KIAA0232: variants seen among roughly 807,000 people sequenced by gnomAD.
KIAA0232 encodes uncharacterized protein KIAA0232.
KIAA0232 carries 27 observed loss-of-function variants against 122.0 expected under a neutral mutation model. The ratio of observed to expected loss-of-function variants is 0.22; its 90% CI spans 0.16 to 0.31. The LOEUF is 0.31. Among genes scored for constraint, KIAA0232 ranks in the 10% least tolerant of loss-of-function variants. The probability of loss-of-function intolerance (pLI) is 1.00; values close to 1 mark genes in which losing one functional copy is unlikely to be tolerated. For synonymous variants in KIAA0232, 613 were observed against 587.6 expected, an observed-to-expected ratio of 1.04 and a Z score of -0.63; for missense variants, 1,551 against 1,634.2, an observed-to-expected ratio of 0.95 and a Z score of 0.88.
chr4:6,810,564 C>A (rs890084961), intron 2 of KIAA0232, among the ~76,000 whole-genome samples: 4 of 152,122 alleles, frequency 2.6e-5, no homozygotes, highest in African/African-American at 9.7e-5. Flanking sequence ...GCAACTAAAA[C>A]AGAAATAGAC....
intron 7 of KIAA0232, among the ~76,000 whole-genome samples, chr4:6,867,837 A>C (rs962778610): frequency 1.8e-4 from 27 of 152,200 alleles, no homozygotes. Context: ...CTGAGAGGTG[A>C]GACAGCTGCC....
At chr4:6,846,946 A>T (rs1364891075) in intron 4 of KIAA0232, among the ~76,000 whole-genome samples, 2 of 152,152 alleles carry the variant, frequency 1.3e-5, no homozygotes, top group Non-Finnish European at 2.9e-5. Context: ...ATGCCCTCTT[A>T]AAAGTGCTTC....
intron 2 of KIAA0232, among the ~76,000 whole-genome samples, chr4:6,806,701 T>C (rs1414790396): frequency 1.7e-5 from 2 of 118,638 alleles, no homozygotes; most frequent in African/African-American, 6.7e-5. Context: ...GCCACTGCAC[T>C]CCATCCTGGG....
chr4:6,837,901 G>A (rs1001850135), intron 3 of KIAA0232, among the ~76,000 whole-genome samples: 1 of 146,644 alleles, frequency 6.8e-6, no homozygotes, highest in Non-Finnish European at 1.5e-5. Context: ...GAGGGAGACC[G>A]TGCAAAGGGG....
intron 2 of KIAA0232, among the ~76,000 whole-genome samples, chr4:6,816,306 G>A (rs910421750): frequency 1.7e-4 from 25 of 147,052 alleles, no homozygotes; most frequent in Non-Finnish European, 3.1e-4. Flanking sequence ...TTTTTGAGAC[G>A]GAGCCTCGCT....
At chr4:6,813,104 G>A (rs1045000634) in intron 2 of KIAA0232, among the ~76,000 whole-genome samples, 2 of 152,120 alleles carry the variant, frequency 1.3e-5, no homozygotes, top group African/African-American at 4.8e-5. Flanking sequence ...AACACCAATA[G>A]GAGTTGTAAT....
intron 8 of KIAA0232, among the ~76,000 whole-genome samples, chr4:6,875,941 C>A (rs191428348): frequency 3.4e-4 from 52 of 152,254 alleles, no homozygotes; most frequent in Admixed American, 3.4e-3. Context: ...AGCCCCTGCC[C>A]AGGACAGTTC....
intron 7 of KIAA0232, among the ~76,000 whole-genome samples, chr4:6,868,598 G>A (rs1721306197): frequency 6.6e-6 from 1 of 152,098 alleles, no homozygotes; most frequent in East Asian, 1.9e-4. Flanking sequence ...GGAAAGGGAG[G>A]GCAGCACTGA....
chr4:6,862,295 T>G lies in KIAA0232; in HGVS notation c.1913T>G (p.Ile638Ser). 1 of 1,614,142 alleles carries G rather than the reference T, an allele frequency of 6.2e-7. No individual in the cohort carries two copies. The highest frequency in any genetic ancestry group is 8.5e-7 in the Non-Finnish European group (1 of 1,179,996). The change falls in exon 7 of 10, where the codon ATT (isoleucine) becomes AGT (serine). Residue 638 changes from isoleucine to serine, a missense_variant. Ile to Ser is a moderately radical substitution (Grantham distance 142). This residue lies in a region of KIAA0232 where 1,108 missense variants were observed against 1,154.8 expected (regional missense o/e 0.96). Transcript: ENST00000307659. Reference sequence around the variant, plus strand: ...GGCAATCAAGAGCTCTTTTCAGATATTAATGAAGGATCTGGTATAAACTCT... The same window carrying G: ...GGCAATCAAGAGCTCTTTTCAGATAGTAATGAAGGATCTGGTATAAACTCT... ...LAGNQELFSD[I>S]NEGSGINSCF...
At position 6,871,608 on chromosome 4, in the gene KIAA0232, A is replaced by G; in HGVS notation, c.3836A>G (p.Asn1279Ser). The G allele has an allele frequency of 2.5e-6, 4 of 1,611,612 alleles. No homozygotes were observed. The highest frequency in any genetic ancestry group is 1.3e-5 in the African/African-American group (1 of 74,996). The change falls in exon 8 of 10, where the codon AAT (asparagine) becomes AGT (serine). Residue 1279 changes from asparagine to serine, a missense_variant. Physicochemically the swap from Asn to Ser is conservative, Grantham distance 46. Coordinates refer to ENST00000307659, the MANE Select transcript of KIAA0232 (RefSeq NM_014743.3). ...TTGAACACTGATATACAAGGAATGA[A>G]TAGAAGTCAAGAAAAACAGACCTGG... Reference protein sequence around the residue: ...PVLNTDIQGMNRSQEKQTWWE... With the variant: ...PVLNTDIQGMSRSQEKQTWWE...
intron 1 of KIAA0232, among the ~76,000 whole-genome samples, chr4:6,787,540 A>G (rs1346713126): frequency 6.6e-6 from 1 of 152,112 alleles, no homozygotes; most frequent in Non-Finnish European, 1.5e-5. Context: ...TTTTTGTCCT[A>G]CTTGTTACCC....
chr4:6,859,280 C>G (rs1254347084), intron 6 of KIAA0232, among the ~76,000 whole-genome samples: 1 of 151,958 alleles, frequency 6.6e-6, no homozygotes, highest in East Asian at 1.9e-4. Flanking sequence ...AAATAATCTG[C>G]ATTATAAACA....
chr4:6,783,035 G>C (rs1716418899), intron 1 of KIAA0232, among the ~76,000 whole-genome samples, 194 bp downstream of exon 1: 1 of 151,708 alleles, frequency 6.6e-6, no homozygotes, highest in Admixed American at 6.6e-5. Flanking sequence ...GCCAGCCTAA[G>C]GGAGGCCGAG....
chr4:6,861,315 G>A lies in KIAA0232; in HGVS notation c.933G>A (p.Lys311=). 2.5e-5 allele frequency: 41 copies of A among 1,614,104 alleles called. No individual in the cohort carries two copies. The highest frequency in any genetic ancestry group is 3.5e-5 in the Non-Finnish European group (41 of 1,180,026). ...AGGGAGAATTAAAAGCATCCATGAA[G>A]TATGTTAAAGTAAGACACAAGGCAC... is the stretch of plus-strand genomic sequence containing the variant. ...GNQGELKASM[K]YVKVRHKARE... Residue 311 remains lysine, a synonymous_variant, in exon 7 of 10, where the codon AAG becomes AAA. Coordinates refer to ENST00000307659, the MANE Select transcript of KIAA0232 (RefSeq NM_014743.3).
intron 7 of KIAA0232, among the ~76,000 whole-genome samples, chr4:6,864,911 A>G (rs1246811553): frequency 6.6e-6 from 1 of 152,232 alleles, no homozygotes; most frequent in Non-Finnish European, 1.5e-5. Context: ...TGTTTTACAT[A>G]TAAAACAAAT....
At chr4:6,848,116 T>G (rs1343388929) in intron 4 of KIAA0232, among the ~76,000 whole-genome samples, 1 of 152,192 alleles carries the variant, frequency 6.6e-6, no homozygotes, top group Non-Finnish European at 1.5e-5. Flanking sequence ...TTAAAGAGCC[T>G]TAGAGGACTT....
chr4:6,864,267 G>C, intron 7 of KIAA0232, 84 bp downstream of exon 7: 1 of 1,409,368 alleles, frequency 7.1e-7, no homozygotes. Flanking sequence ...ATGAAAGATA[G>C]GGTTAAATTA....
At chr4:6,801,697 G>A (rs1262635344) in intron 1 of KIAA0232, among the ~76,000 whole-genome samples, 1 of 152,020 alleles carries the variant, frequency 6.6e-6, no homozygotes, top group Non-Finnish European at 1.5e-5. Context: ...AAAGAGAAAG[G>A]TGCTATTAAG....
At chr4:6,848,648 G>T (rs1720103270) in intron 4 of KIAA0232, among the ~76,000 whole-genome samples, 1 of 152,210 alleles carries the variant, frequency 6.6e-6, no homozygotes, top group Non-Finnish European at 1.5e-5. Context: ...GGGGGTCCTG[G>T]AAGCGACCCA....
Sources: gnomAD v4.1 joint callset for allele counts (sites outside exome capture counted in the v4.1 genomes callset) on GRCh38, gnomAD v4.1.1 for gene constraint, gnomAD v4.1.1 regional missense constraint, MANE v1.5 for transcripts, NCBI Gene and HGNC (gene_info 2026-07-23, HGNC 2026-07-21) for gene names.